Variants in MEGF10 observed in about 807,000 individuals in gnomAD.
MEGF10 encodes multiple epidermal growth factor-like domains protein 10.
A neutral mutation model predicts 147.5 loss-of-function variants in MEGF10; 86 were observed. The observed-to-expected ratio is 0.58, with a 90% CI of 0.49 to 0.70. The LOEUF (loss-of-function observed/expected upper bound fraction) is 0.70, where lower values mean the gene tolerates loss of function less well. Among genes scored for constraint, MEGF10 ranks in the 30% least tolerant of loss-of-function variants. The pLI, the probability that MEGF10 is intolerant of heterozygous loss-of-function variation, is 0.00. For synonymous variants in MEGF10, 478 were observed against 525.5 expected (o/e 0.91, Z 1.24); for missense variants, 1,329 against 1,487.3 (o/e 0.89, Z 1.75).
At position 127,440,838 on chromosome 5, in the gene MEGF10, C is replaced by G. The variant is rs1419621714; in HGVS notation, c.2333C>G (p.Thr778Ser). The G allele has an allele frequency of 1.2e-6, 2 of 1,614,110 alleles. No homozygotes were observed. Among genetic ancestry groups the G allele is most frequent in the Non-Finnish European group, 1.7e-6 (2 of 1,179,984 alleles). The change falls in exon 18 of 25, where the codon ACT becomes AGT. Residue 778 changes from threonine (T) to serine (S), a missense_variant. Transcript: ENST00000503335. ...DHISGQCTCR[T>S]GFMGRHCEQK... is the part of the protein sequence containing the mutation. The stretch of plus-strand genomic sequence containing the variant: ...ATTTCTGGGCAGTGTACTTGCCGCA[C>G]TGGATTCATGGGACGGCACTGTGAG...
rs768871684 is a variant in MEGF10 at position 127,398,661 on chromosome 5, A to G, written c.660-15A>G. 7.9e-5 allele frequency: 127 copies of G among 1,613,912 alleles called. 1 individual carries two copies. In the South Asian group the frequency reaches 1.3e-3, roughly 16 times the overall value. Reference sequence around the variant, plus strand: ...GGGAAATAACAGTGTCCTTTGTCACATGTTAATCCCTCAGCTGTGAGGATC... The same window carrying G: ...GGGAAATAACAGTGTCCTTTGTCACGTGTTAATCCCTCAGCTGTGAGGATC... On this transcript the variant is annotated splice_polypyrimidine_tract_variant and intron_variant, in intron 6 of 24. Coordinates refer to ENST00000503335, the MANE Select transcript of MEGF10 (RefSeq NM_001256545.2).
chr5:127,302,685 C>A (rs1561557365), intron 1 of MEGF10, among the ~76,000 whole-genome samples: 1 of 152,182 alleles, frequency 6.6e-6, no homozygotes, highest in Non-Finnish European at 1.5e-5. Flanking sequence ...GATCAGTTGA[C>A]CCCTGGTCAC....
the MEGF10 span, among the ~76,000 whole-genome samples, chr5:127,268,616 G>A: frequency 0.05 from 7,641 of 152,268 alleles, 322 homozygotes; most frequent in African/African-American, 0.11. Flanking sequence ...GGAGCCCACC[G>A]CAACTCAAGG....
At chr5:127,235,810 C>A in the MEGF10 span, among the ~76,000 whole-genome samples, 2,079 of 152,274 alleles carry the variant, frequency 0.014, 53 homozygotes, top group East Asian at 0.086. Context: ...AGTTTATACA[C>A]ATTTTTATAG....
At chr5:127,359,589 G>T (rs892371273) in intron 4 of MEGF10, among the ~76,000 whole-genome samples, 1 of 151,940 alleles carries the variant, frequency 6.6e-6, no homozygotes, top group Non-Finnish European at 1.5e-5. Context: ...ACTCTAGATT[G>T]CTTCGTATTT....
At chr5:127,337,587 A>G (rs1761516736) in intron 2 of MEGF10, among the ~76,000 whole-genome samples, 1 of 152,102 alleles carries the variant, frequency 6.6e-6, no homozygotes, top group South Asian at 2.1e-4. Flanking sequence ...TGCTTTACCC[A>G]AAAGGGTTAT....
Position 127,301,811 on chromosome 5 carries a change from T to C in MEGF10, c.-19+10755T>C, listed in dbSNP as rs546787568. On this transcript the variant is annotated intron_variant, in intron 1 of 24. Transcript: ENST00000503335. ...TTAGTTATTATTATTTAACACCAAG[T>C]AATGTTAAAATAGGGAAGAATAATT... Among the ~76,000 whole-genome samples, 22 of 152,318 alleles carry C rather than the reference T, an allele frequency of 1.4e-4. No homozygotes were observed. In the South Asian group the frequency reaches 4.1e-3, roughly 29 times the overall value.
intron 21 of MEGF10, among the ~76,000 whole-genome samples, chr5:127,448,381 G>A (rs941816277): frequency 6.6e-5 from 10 of 152,176 alleles, no homozygotes; most frequent in African/African-American, 2.4e-4. Flanking sequence ...GAGACAGAGT[G>A]TCTAGAACCC....
the MEGF10 span, among the ~76,000 whole-genome samples, chr5:127,265,284 G>A: frequency 1.3e-5 from 2 of 152,134 alleles, no homozygotes; most frequent in African/African-American, 2.4e-5. Flanking sequence ...ATTCCATGGT[G>A]TATATGTGCC....
intron 24 of MEGF10, among the ~76,000 whole-genome samples, chr5:127,456,054 T>G (rs1011045222): frequency 7.2e-5 from 11 of 152,318 alleles, no homozygotes; most frequent in African/African-American, 2.6e-4. Context: ...AGTTTCTTTA[T>G]TTTTCACCTA....
In MEGF10 at chr5:127,454,611, G is replaced by T; in HGVS notation, c.3025+1G>T. On this transcript the variant is annotated splice_donor_variant, in intron 23 of 24. Transcript: ENST00000503335. LOFTEE classifies it high-confidence loss of function. ...AGCTATATGGGAAAATCCTTAAAAG[G>T]TATCATGTAAATTTGAAGAAGAAAT... is the stretch of plus-strand genomic sequence containing the variant. 1 of 1,605,150 alleles carries T rather than the reference G, an allele frequency of 6.2e-7. No homozygotes were observed. Among genetic ancestry groups the T allele is most frequent in the Non-Finnish European group, 8.5e-7 (1 of 1,176,726 alleles).
chr5:127,275,563 C>T, the MEGF10 span, among the ~76,000 whole-genome samples: 1 of 151,814 alleles, frequency 6.6e-6, no homozygotes, highest in East Asian at 1.9e-4. Context: ...TAATTTCTGC[C>T]TTACTGCTGC....
At chr5:127,315,798 A>G (rs987176794) in intron 1 of MEGF10, among the ~76,000 whole-genome samples, 3 of 151,906 alleles carry the variant, frequency 2.0e-5, no homozygotes, top group Admixed American at 2.0e-4. Context: ...AAACAAAATA[A>G]CCCTTTTTCT....
the MEGF10 span, among the ~76,000 whole-genome samples, chr5:127,245,241 A>G: frequency 7.9e-5 from 12 of 152,192 alleles, no homozygotes; most frequent in African/African-American, 2.9e-4. Context: ...ACAGCATGCT[A>G]CTGGTACCAA....
intron 1 of MEGF10, among the ~76,000 whole-genome samples, chr5:127,309,426 A>G (rs1331686015): frequency 1.3e-5 from 2 of 152,176 alleles, no homozygotes; most frequent in Non-Finnish European, 2.9e-5. Context: ...CTCTGTACCC[A>G]TTAAATAGCA....
At chr5:127,258,243 G>A in the MEGF10 span, among the ~76,000 whole-genome samples, 1 of 152,142 alleles carries the variant, frequency 6.6e-6, no homozygotes, top group African/African-American at 2.4e-5. Flanking sequence ...TCTCTTTGGG[G>A]TAATCTATGA....
intron 1 of MEGF10, among the ~76,000 whole-genome samples, chr5:127,324,027 T>A (rs1445744019): frequency 1.3e-5 from 2 of 152,186 alleles, no homozygotes; most frequent in African/African-American, 4.8e-5. Flanking sequence ...TTTTGTAATA[T>A]TCTGTTGGTT....
chr5:127,433,557 C>A, intron 14 of MEGF10, 48 bp downstream of exon 14: 1 of 1,549,096 alleles, frequency 6.5e-7, no homozygotes, highest in East Asian at 2.3e-5. Context: ...TCCCTGGGCA[C>A]CATGTATCGA....
At chr5:127,260,093 G>T in the MEGF10 span, among the ~76,000 whole-genome samples, 11 of 152,040 alleles carry the variant, frequency 7.2e-5, no homozygotes, top group African/African-American at 2.7e-4. Flanking sequence ...GGAGGCAGAG[G>T]TTGCAGTGAG....
Sources: allele counts gnomAD v4.1 joint callset (sites outside exome capture counted in the v4.1 genomes callset), GRCh38; gene constraint gnomAD v4.1.1; transcripts MANE v1.5; gene names NCBI Gene and HGNC (gene_info 2026-07-23, HGNC 2026-07-21).